Variants in PPHLN1 observed in about 807,000 individuals in gnomAD.
PPHLN1 encodes the protein periphilin-1.
In PPHLN1, 29 loss-of-function variants were observed where a neutral mutation model predicts 51.3. The ratio of observed to expected loss-of-function variants is 0.57; its 90% CI spans 0.42 to 0.77. The LOEUF is 0.77. PPHLN1 is among the 30% of genes least tolerant of loss of function. The pLI, the probability that PPHLN1 is intolerant of heterozygous loss-of-function variation, is 0.00. For synonymous variants in PPHLN1, 147 were observed against 147.8 expected, an observed-to-expected ratio of 0.99 and a Z score of 0.04; for missense variants, 436 against 438.4, an observed-to-expected ratio of 0.99 and a Z score of 0.05.
At chr12:42,416,915 G>C (rs2708073) in intron 9 of PPHLN1, among the ~76,000 whole-genome samples, 1 of 152,172 alleles carries the variant, frequency 6.6e-6, no homozygotes, top group East Asian at 1.9e-4. Context: ...AGAGCCAGAT[G>C]GTTGAAAAAT....
chr12:42,375,043 A>G lies in PPHLN1; in HGVS notation c.480A>G (p.Lys160=). 1 of 1,612,758 alleles carries G rather than the reference A, an allele frequency of 6.2e-7. No individual in the cohort carries two copies. The highest frequency in any genetic ancestry group is 8.5e-7 in the Non-Finnish European group (1 of 1,179,212). ...SSRSYSPERS[K]SYSFHQSQHR... Reference sequence around the variant, plus strand: ...GAAGCTACTCTCCAGAAAGGAGCAAATCATACTCTTTCCATCAGTCTCAAC... The same window carrying G: ...GAAGCTACTCTCCAGAAAGGAGCAAGTCATACTCTTTCCATCAGTCTCAAC... The change falls in exon 5 of 10, where the codon AAA becomes AAG. Residue 160 remains lysine, a synonymous_variant. Coordinates refer to ENST00000358314, the MANE Select transcript of PPHLN1 (RefSeq NM_201439.2).
chr12:42,403,776 G>A (rs550885517), intron 9 of PPHLN1, among the ~76,000 whole-genome samples: 5 of 152,304 alleles, frequency 3.3e-5, no homozygotes, highest in African/African-American at 7.2e-5. Context: ...TTATAAAGCA[G>A]TTCCAGTAAA....
chr12:42,356,036 T>C (rs527783128), intron 4 of PPHLN1, among the ~76,000 whole-genome samples: 1 of 152,308 alleles, frequency 6.6e-6, no homozygotes, highest in South Asian at 2.1e-4. Flanking sequence ...AGAATAGTTG[T>C]GGGAAAGAAA....
intron 9 of PPHLN1, chr12:42,400,471 A>AG (rs1195349001): frequency 1.3e-5 from 2 of 149,432 alleles, no homozygotes; most frequent in African/African-American, 5.1e-5. Flanking sequence ...CCGTCTCAAA[A>AG]AAAAAAAAAA....
intron 9 of PPHLN1, among the ~76,000 whole-genome samples, chr12:42,401,009 A>G (rs1163414540): frequency 6.6e-6 from 1 of 152,196 alleles, no homozygotes; most frequent in East Asian, 1.9e-4. Context: ...GTAAAGCATT[A>G]CATTTAAAAT....
downstream of PPHLN1, chr12:42,443,956 A>G (rs2083153073): frequency 1.3e-5 from 2 of 152,330 alleles, no homozygotes; most frequent in South Asian, 4.1e-4. Flanking sequence ...GCAATGCTGA[A>G]CAGTCCTACC....
intron 9 of PPHLN1, 78 bp from the exon 10 acceptor site, chr12:42,441,237 A>G: frequency 3.4e-6 from 5 of 1,472,054 alleles, no homozygotes; most frequent in Non-Finnish European, 4.5e-6. Context: ...CAGCATCATA[A>G]TTCTGCCAAC....
At chr12:42,331,516 G>C (rs926330540) in intron 1 of PPHLN1, among the ~76,000 whole-genome samples, 1 of 152,170 alleles carries the variant, frequency 6.6e-6, no homozygotes, top group African/African-American at 2.4e-5. Flanking sequence ...ACATAACAGT[G>C]GTTGGATAGC....
chr12:42,343,391 G>C (rs1279375818), intron 2 of PPHLN1, among the ~76,000 whole-genome samples: 1 of 152,060 alleles, frequency 6.6e-6, no homozygotes, highest in East Asian at 1.9e-4. Context: ...TCAGTCAAAA[G>C]AATTTTTATA....
At chr12:42,392,899 T>TA (rs765156184) in intron 7 of PPHLN1, among the ~76,000 whole-genome samples, 5 of 152,190 alleles carry the variant, frequency 3.3e-5, no homozygotes, top group African/African-American at 7.2e-5. Context: ...TGAGCATTAT[T>TA]AACCCCTATT....
At chr12:42,366,813 A>G (rs1592444231) in intron 4 of PPHLN1, among the ~76,000 whole-genome samples, 1 of 152,222 alleles carries the variant, frequency 6.6e-6, no homozygotes, top group East Asian at 1.9e-4. Flanking sequence ...GCTAGAAATC[A>G]CTAGGGATTT....
intron 9 of PPHLN1, among the ~76,000 whole-genome samples, chr12:42,438,845 G>A (rs987766637): frequency 1.3e-5 from 2 of 152,012 alleles, no homozygotes; most frequent in African/African-American, 2.4e-5. Flanking sequence ...CTCGTGATCC[G>A]CCTGCCTCAG....
chr12:42,375,148 C>A, intron 5 of PPHLN1, 74 bp downstream of exon 5: 1 of 1,174,350 alleles, frequency 8.5e-7, no homozygotes, highest in Non-Finnish European at 1.2e-6. Context: ...AGATTTCCTT[C>A]TAGGTGTAAG....
At chr12:42,385,029 G>C (rs756995759) in intron 6 of PPHLN1, 33 bp downstream of exon 6, 1 of 1,556,524 alleles carries the variant, frequency 6.4e-7, no homozygotes, top group Non-Finnish European at 8.9e-7. Flanking sequence ...ATTTGGGATT[G>C]TGAAGGGGTG....
At chr12:42,360,381 C>A (rs1406261357) in intron 4 of PPHLN1, among the ~76,000 whole-genome samples, 1 of 129,398 alleles carries the variant, frequency 7.7e-6, no homozygotes, top group East Asian at 2.3e-4. Context: ...TCCAGCGTTT[C>A]TTCATTTCTT....
At chr12:42,445,981 T>C (rs756966683), downstream of PPHLN1, 15 of 1,505,766 alleles carry the variant, frequency 1.0e-5, no homozygotes, top group East Asian at 2.0e-4. Context: ...AGGCCCTCTT[T>C]GGATTCCAGC....
intron 4 of PPHLN1, among the ~76,000 whole-genome samples, chr12:42,371,111 GTTTTTTTTTTTT>G (rs59324305): frequency 3.1e-5 from 2 of 64,696 alleles, no homozygotes; most frequent in African/African-American, 6.3e-5. Flanking sequence ...CCAGCCTGGT[GTTTTTTTTTTTT>G]TTTTTTTTTT....
At chr12:42,402,187 G>C (rs1190164868) in intron 9 of PPHLN1, among the ~76,000 whole-genome samples, 1 of 152,098 alleles carries the variant, frequency 6.6e-6, no homozygotes, top group African/African-American at 2.4e-5. Flanking sequence ...AGGGACACTT[G>C]GGGAAAGGGA....
At chr12:42,326,477 G>A (rs941181720) in intron 1 of PPHLN1, among the ~76,000 whole-genome samples, 1 of 152,192 alleles carries the variant, frequency 6.6e-6, no homozygotes, top group African/African-American at 2.4e-5. Context: ...ACTGAGCTAG[G>A]TAACTTCAGT....
Sources: gnomAD v4.1 joint callset for allele counts (sites outside exome capture counted in the v4.1 genomes callset) on GRCh38, gnomAD v4.1.1 for gene constraint, MANE v1.5 for transcripts, NCBI Gene and HGNC (gene_info 2026-07-23, HGNC 2026-07-21) for gene names.